Variants in CACNA1C observed in about 807,000 individuals in gnomAD.
The protein encoded by CACNA1C is voltage-dependent L-type calcium channel subunit alpha-1C.
In CACNA1C, 30 loss-of-function variants were observed where a neutral mutation model predicts 229.0. The observed-to-expected ratio is 0.13, with a 90% CI of 0.10 to 0.18. CACNA1C has a LOEUF of 0.18. Among genes scored for constraint, CACNA1C ranks in the 10% least tolerant of loss-of-function variants. The pLI, the probability that CACNA1C is intolerant of heterozygous loss-of-function variation, is 1.00. For synonymous variants in CACNA1C, 1,114 were observed against 1,132.5 expected, an observed-to-expected ratio of 0.98 and a Z score of 0.33; for missense variants, 1,658 against 2,845.0, an observed-to-expected ratio of 0.58 and a Z score of 9.49.
At chr12:2,247,052 T>C (rs1454835091) in intron 3 of CACNA1C, among the ~76,000 whole-genome samples, 2 of 152,252 alleles carry the variant, frequency 1.3e-5, no homozygotes, top group Non-Finnish European at 2.9e-5. Context: ...TAAGAAAGGC[T>C]AAATCAGCTT....
intron 14 of CACNA1C, among the ~76,000 whole-genome samples, chr12:2,582,423 G>A (rs12308563): frequency 0.054 from 8,230 of 152,258 alleles, 747 homozygotes; most frequent in African/African-American, 0.19. Flanking sequence ...TGTTGTCAAA[G>A]TCTTGAAGAT....
At chr12:2,173,397 T>C (rs1034192504) in intron 3 of CACNA1C, among the ~76,000 whole-genome samples, 1 of 152,224 alleles carries the variant, frequency 6.6e-6, no homozygotes, top group African/African-American at 2.4e-5. Context: ...CAAGAGCTTA[T>C]GATGGAAGGT....
In CACNA1C at chr12:2,595,611, G is replaced by T. The variant is rs1281128592; in HGVS notation, c.2664-263G>T. Among the ~76,000 whole-genome samples, 1 of 152,164 alleles carries T rather than the reference G, an allele frequency of 6.6e-6. No homozygotes were observed. Among genetic ancestry groups the T allele is most frequent in the Non-Finnish European group, 1.5e-5 (1 of 68,038 alleles). ...AAACAAAAGCCAGTTATGAATGTCA[G>T]AGCAGGATTTGGGAATTCAGAGATT... On this transcript the variant is annotated intron_variant, in intron 19 of 46. Coordinates refer to ENST00000399655, the MANE Select transcript of CACNA1C (RefSeq NM_000719.7). This position sits in a 1 kb window ranked among gnomAD's most constrained non-coding sequence, Gnocchi z 4.1.
chr12:2,389,564 C>T (rs1180926252), intron 3 of CACNA1C, among the ~76,000 whole-genome samples: 13 of 152,198 alleles, frequency 8.5e-5, no homozygotes, highest in Non-Finnish European at 1.9e-4. Context: ...TGCCAGATGT[C>T]ATCTTACAAG....
At position 2,611,889 on chromosome 12, in the gene CACNA1C, C is replaced by G. The variant is rs1555888662; in HGVS notation, c.3718-14C>G. 21 of 1,567,428 alleles carry G rather than the reference C, an allele frequency of 1.3e-5. No homozygotes were observed. The highest frequency in any genetic ancestry group is 1.5e-5 in the Non-Finnish European group (17 of 1,137,804). On this transcript the variant is annotated splice_polypyrimidine_tract_variant and intron_variant, in intron 28 of 46. Transcript: ENST00000399655. ...CTGCCCCGTGTTCACAGCTCCTCCCCTCTCCTGATGCAGCACTACGGCCAG... is the reference window on the plus strand; with the variant it reads ...CTGCCCCGTGTTCACAGCTCCTCCCGTCTCCTGATGCAGCACTACGGCCAG...
chr12:2,648,524 C>A lies in CACNA1C; in HGVS notation c.3945+17C>A, dbSNP rs375789498. 1.2e-6 allele frequency: 2 copies of A among 1,613,044 alleles called. No individual in the cohort carries two copies. The highest frequency in any genetic ancestry group is 1.7e-5 in the Admixed American group (1 of 59,994). ...CCCTCTATGGTAAGACCAACCCTCC[C>A]GACCATGCTCCCGGCTTCCGTGTCC... On this transcript the variant is annotated intron_variant, in intron 31 of 46. Coordinates refer to ENST00000399655, the MANE Select transcript of CACNA1C (RefSeq NM_000719.7).
chr12:2,381,475 TA>T (rs895528499), intron 3 of CACNA1C, among the ~76,000 whole-genome samples: 1 of 152,232 alleles, frequency 6.6e-6, no homozygotes, highest in Non-Finnish European at 1.5e-5. Context: ...TTAGCTGCTT[TA>T]AAAGTATTGA....
chr12:2,670,725 G>A (rs1264275792), intron 38 of CACNA1C, among the ~76,000 whole-genome samples: 1 of 151,904 alleles, frequency 6.6e-6, no homozygotes, highest in East Asian at 2.0e-4. Flanking sequence ...CGGGCGTGGT[G>A]GCACGTGCCT....
At chr12:2,331,534 G>A (rs11062192) in intron 3 of CACNA1C, among the ~76,000 whole-genome samples, 33,719 of 152,180 alleles carry the variant, frequency 0.22, 5,927 homozygotes, top group African/African-American at 0.49. Flanking sequence ...CCTAAATCCC[G>A]GATAATTAGA....
At position 1,986,103 on chromosome 12, in the gene CACNA1C, G is replaced by A. The variant is rs148740151; in HGVS notation, c.139+14902G>A. The stretch of plus-strand genomic sequence containing the variant: ...GCTGGGATTACAGGCGTGAGCCACT[G>A]CGCCCAGCCGTCAGTTCTATTTTCA... On this transcript the variant is annotated intron_variant, in intron 1 of 46. Coordinates refer to the CACNA1C transcript ENST00000682462. Among the ~76,000 whole-genome samples, 9 of 152,356 alleles carry A rather than the reference G, an allele frequency of 5.9e-5. 1 individual carries two copies. The highest frequency in any genetic ancestry group is 9.6e-5 in the African/African-American group (4 of 41,590).
intron 3 of CACNA1C, among the ~76,000 whole-genome samples, chr12:2,258,203 A>T (rs1384702327): frequency 6.6e-6 from 1 of 152,170 alleles, no homozygotes; most frequent in Non-Finnish European, 1.5e-5. Context: ...CACACACATG[A>T]TCTCATTCAT....
intron 34 of CACNA1C, among the ~76,000 whole-genome samples, chr12:2,659,663 T>C (rs925176325): frequency 6.6e-6 from 1 of 152,102 alleles, no homozygotes; most frequent in Non-Finnish European, 1.5e-5. Flanking sequence ...GGGAAAAGAA[T>C]AGTAAAATAA....
intron 3 of CACNA1C, among the ~76,000 whole-genome samples, chr12:2,259,994 C>T (rs2079452103): frequency 6.6e-6 from 1 of 152,074 alleles, no homozygotes; most frequent in African/African-American, 2.4e-5. Context: ...AGAGAATCCC[C>T]CTCTCCCCAC....
intron 1 of CACNA1C, chr12:1,991,585 T>C (rs904163096): frequency 8.4e-6 from 2 of 238,126 alleles, no homozygotes; most frequent in African/African-American, 4.7e-5. Context: ...TTGGTGCCTG[T>C]TGGACACTCA....
At chr12:2,618,133 G>A (rs547489530) in intron 29 of CACNA1C, among the ~76,000 whole-genome samples, 2 of 152,324 alleles carry the variant, frequency 1.3e-5, no homozygotes, top group African/African-American at 4.8e-5. Context: ...GTGGCGCCAG[G>A]AGTGAGCTGC....
Position 2,691,177 on chromosome 12 carries a change from G to A in CACNA1C, c.6395G>A (p.Arg2132Lys). The change falls in exon 47 of 47, where the codon AGG becomes AAG. Residue 2132 changes from arginine to lysine, a missense_variant. Transcript: ENST00000399655. The part of the protein sequence containing the change: ...RPSEEELQDS[R>K]VYVSSL The stretch of plus-strand genomic sequence containing the variant: ...AGTGAGGAGGAGCTCCAGGACAGCA[G>A]GGTCTACGTCAGCAGCCTGTAGTGG... 1 of 1,593,802 alleles carries A rather than the reference G, an allele frequency of 6.3e-7. No homozygotes were observed. Among genetic ancestry groups the A allele is most frequent in the Non-Finnish European group, 8.6e-7 (1 of 1,167,596 alleles).
intron 30 of CACNA1C, among the ~76,000 whole-genome samples, chr12:2,641,116 G>A (rs2093645768): frequency 6.6e-6 from 1 of 152,206 alleles, no homozygotes; most frequent in Non-Finnish European, 1.5e-5. Flanking sequence ...GAGGAAGGAG[G>A]GTAGAGAGAT....
intron 7 of CACNA1C, among the ~76,000 whole-genome samples, chr12:2,502,912 T>TA (rs2099763879): frequency 6.6e-6 from 1 of 152,168 alleles, no homozygotes; most frequent in Non-Finnish European, 1.5e-5. Context: ...CTGGGATGGT[T>TA]AATATGCAGA....
chr12:2,163,163 A>G (rs2095993345), intron 3 of CACNA1C, among the ~76,000 whole-genome samples: 1 of 145,118 alleles, frequency 6.9e-6, no homozygotes, highest in Non-Finnish European at 1.5e-5. Context: ...AGATCACGCC[A>G]TTGCACTCTA....
Sources: gnomAD v4.1 joint callset for allele counts (sites outside exome capture counted in the v4.1 genomes callset) on GRCh38, gnomAD v4.1.1 for gene constraint, Gnocchi (gnomAD v3.1) non-coding constraint, MANE v1.5 for transcripts, NCBI Gene and HGNC (gene_info 2026-07-23, HGNC 2026-07-21) for gene names.